The following CACNA2D3 variants were observed in gnomAD, a reference collection of about 807,000 sequenced individuals.
CACNA2D3 encodes the protein calcium voltage-gated channel auxiliary subunit alpha2delta 3.
A neutral mutation model predicts 160.6 loss-of-function variants in CACNA2D3; 60 were observed. The ratio of observed to expected loss-of-function variants is 0.37; its 90% CI spans 0.30 to 0.46. CACNA2D3 has a LOEUF of 0.46. Among genes scored for constraint, CACNA2D3 ranks in the 20% least tolerant of loss-of-function variants. The pLI, the probability that CACNA2D3 is intolerant of heterozygous loss-of-function variation, is 1.00. For synonymous variants in CACNA2D3, 558 were observed against 492.9 expected, an observed-to-expected ratio of 1.13 and a Z score of -1.75; for missense variants, 1,205 against 1,365.0, an observed-to-expected ratio of 0.88 and a Z score of 1.85.
chr3:54,789,789 C>T, intron 13 of CACNA2D3: 1 of 495,588 alleles, frequency 2.0e-6, no homozygotes, highest in South Asian at 1.5e-5. Context: ...GCAGTGTTCA[C>T]TGAGGCCAGT....
intron 11 of CACNA2D3, among the ~76,000 whole-genome samples, chr3:54,710,006 TCA>T (rs1700926737): frequency 6.6e-6 from 1 of 152,198 alleles, no homozygotes; most frequent in Admixed American, 6.5e-5. Flanking sequence ...TCTTTTGTTT[TCA>T]CACACGCACA....
At chr3:54,734,498 G>GCTTATAAAAAT (rs1701457488) in intron 11 of CACNA2D3, among the ~76,000 whole-genome samples, 1 of 152,110 alleles carries the variant, frequency 6.6e-6, no homozygotes, top group South Asian at 2.1e-4. Flanking sequence ...AGATGAAAAG[G>GCTTATAAAAAT]CTTATAAAAA....
At chr3:54,360,473 C>T (rs1326264547) in intron 3 of CACNA2D3, among the ~76,000 whole-genome samples, 2 of 152,198 alleles carry the variant, frequency 1.3e-5, no homozygotes, top group East Asian at 3.9e-4. Context: ...GACCTGTTTT[C>T]ATTCCTGGTA....
intron 2 of CACNA2D3, among the ~76,000 whole-genome samples, chr3:54,241,529 A>G (rs970893625): frequency 1.2e-4 from 19 of 152,252 alleles, no homozygotes; most frequent in Admixed American, 3.9e-4. Flanking sequence ...GCCTCGGAGC[A>G]GAATCGGTGC....
intron 17 of CACNA2D3, among the ~76,000 whole-genome samples, chr3:54,853,537 A>G (rs1699105706): frequency 6.6e-6 from 1 of 152,150 alleles, no homozygotes; most frequent in Admixed American, 6.5e-5. Flanking sequence ...CTTGCCTGCA[A>G]GCATTCATCA....
At position 54,879,161 on chromosome 3, in the gene CACNA2D3, A is replaced by G. The variant is rs560179620; in HGVS notation, c.1782+72A>G. The G allele has an allele frequency of 8.4e-5, 87 of 1,029,678 alleles. No homozygotes were observed. The East Asian group carries it at 1.8e-3, about 22-fold the overall frequency. The allele number at this position is 1,029,678 out of a possible 1,614,324, so 63.8% of individuals were successfully genotyped here. A position where few individuals can be genotyped will look rare whatever the true frequency, so the allele number is the denominator to read the frequency against. On this transcript the variant is annotated intron_variant, in intron 19 of 37. Transcript: ENST00000474759. ...CTGTGAAAAATTAGCTTTGAAAGCT[A>G]TATCTGGAATAAATATCTTTCGCTG...
At chr3:54,687,130 T>TTTTG (rs1559549405) in intron 11 of CACNA2D3, among the ~76,000 whole-genome samples, 23 of 50,784 alleles carry the variant, frequency 4.5e-4, no homozygotes, top group African/African-American at 1.7e-3. Flanking sequence ...TCTTTTTTTT[T>TTTTG]TTTTGTTTTT....
intron 17 of CACNA2D3, among the ~76,000 whole-genome samples, chr3:54,869,632 A>G (rs1379134410): frequency 6.6e-6 from 1 of 152,184 alleles, no homozygotes; most frequent in Non-Finnish European, 1.5e-5. Context: ...TGGGGTACCT[A>G]ATAGTTCTCA....
intron 3 of CACNA2D3, among the ~76,000 whole-genome samples, chr3:54,329,239 T>C (rs1389343900): frequency 6.6e-6 from 1 of 152,248 alleles, no homozygotes; most frequent in Non-Finnish European, 1.5e-5. Flanking sequence ...ACTATTTCTT[T>C]TCTTGTCCCA....
chr3:54,350,982 G>GTTTTTTT (rs1491034355), intron 3 of CACNA2D3, among the ~76,000 whole-genome samples: 4 of 61,796 alleles, frequency 6.5e-5, no homozygotes, highest in Non-Finnish European at 9.1e-5. Flanking sequence ...TTTTTTTTTT[G>GTTTTTTT]TTTGTTTTTT....
chr3:54,648,618 T>C (rs2106859457), intron 11 of CACNA2D3, among the ~76,000 whole-genome samples: 1 of 152,346 alleles, frequency 6.6e-6, no homozygotes, highest in South Asian at 2.1e-4. Context: ...TACATGATTG[T>C]GTTAGTCCAT....
At chr3:54,810,598 T>C (rs1275533508) in intron 13 of CACNA2D3, among the ~76,000 whole-genome samples, 1 of 152,230 alleles carries the variant, frequency 6.6e-6, no homozygotes, top group African/African-American at 2.4e-5. Flanking sequence ...GTTTTACAAA[T>C]GGAATAAAGA....
In CACNA2D3 at chr3:54,328,406, T is replaced by C. The variant is rs370232213; in HGVS notation, c.321+7848T>C. Among the ~76,000 whole-genome samples the C allele has an allele frequency of 5.9e-5, 9 of 152,220 alleles. No homozygotes were observed. The East Asian group carries it at 1.2e-3, about 20-fold the overall frequency. Reference sequence around the variant, plus strand: ...AAGCAACTCTCCTGCCTCAGCCTCCTGAGTAGCTGGGATTACAGGTGTCCG... The same window carrying C: ...AAGCAACTCTCCTGCCTCAGCCTCCCGAGTAGCTGGGATTACAGGTGTCCG... On this transcript the variant is annotated intron_variant, in intron 3 of 37. Transcript: ENST00000474759.
chr3:54,898,920 TCTG>T (rs1263327882), intron 26 of CACNA2D3, among the ~76,000 whole-genome samples: 5 of 152,228 alleles, frequency 3.3e-5, no homozygotes, highest in Non-Finnish European at 5.9e-5. Flanking sequence ...TCTGATTTTC[TCTG>T]CTATGTGTTG....
At chr3:54,886,355 G>A (rs995394663) in intron 23 of CACNA2D3, among the ~76,000 whole-genome samples, 1 of 152,202 alleles carries the variant, frequency 6.6e-6, no homozygotes, top group African/African-American at 2.4e-5. Context: ...CCCTGGTGGG[G>A]AAAGGATCAG....
At chr3:54,730,665 G>T (rs1472299217) in intron 11 of CACNA2D3, among the ~76,000 whole-genome samples, 1 of 152,016 alleles carries the variant, frequency 6.6e-6, no homozygotes, top group Non-Finnish European at 1.5e-5. Context: ...ACCACACCTG[G>T]CTGATTTTTG....
intron 2 of CACNA2D3, among the ~76,000 whole-genome samples, chr3:54,139,074 G>A (rs1011833801): frequency 7.9e-5 from 12 of 152,200 alleles, no homozygotes; most frequent in Non-Finnish European, 1.5e-4. Context: ...GGGGCAGCTC[G>A]CTGCTTCTCC....
chr3:54,975,583 G>T (rs1041834444), intron 29 of CACNA2D3, among the ~76,000 whole-genome samples: 3 of 151,250 alleles, frequency 2.0e-5, no homozygotes, highest in African/African-American at 7.3e-5. Context: ...GGAAGCTTAG[G>T]CATGTTGTCC....
intron 2 of CACNA2D3, among the ~76,000 whole-genome samples, chr3:54,280,700 G>C (rs558291181): frequency 6.6e-6 from 1 of 152,232 alleles, no homozygotes; most frequent in South Asian, 2.1e-4. Context: ...TCCCGACTCT[G>C]TTCTCTCTTG....
Sources: gnomAD v4.1 joint callset for allele counts (sites outside exome capture counted in the v4.1 genomes callset) on GRCh38, gnomAD v4.1.1 for gene constraint, MANE v1.5 for transcripts, NCBI Gene and HGNC (gene_info 2026-07-23, HGNC 2026-07-21) for gene names.